TNR: variants seen among roughly 807,000 people sequenced by gnomAD.
The protein encoded by TNR is tenascin R.
In TNR, 45 loss-of-function variants were observed where a neutral mutation model predicts 150.4. The observed-to-expected ratio is 0.30, with a 90% CI of 0.24 to 0.38. The LOEUF (loss-of-function observed/expected upper bound fraction) is 0.38, where lower values mean the gene tolerates loss of function less well. TNR is among the 10% of genes least tolerant of loss of function. TNR has a pLI of 1.00. For missense variants in TNR, 1,544 were observed against 1,759.1 expected (o/e 0.88, Z 2.19); for synonymous variants, 687 against 678.4 (o/e 1.01, Z -0.20).
chr1:175,648,819 G>C (rs1232992839), intron 1 of TNR, among the ~76,000 whole-genome samples: 1 of 152,254 alleles, frequency 6.6e-6, no homozygotes, highest in East Asian at 1.9e-4. Context: ...ATGCAATGCT[G>C]TCTACCCAGA....
At chr1:175,410,915 C>T (rs1235657733) in intron 2 of TNR, among the ~76,000 whole-genome samples, 1 of 152,194 alleles carries the variant, frequency 6.6e-6, no homozygotes, top group Non-Finnish European at 1.5e-5. Flanking sequence ...CACCACGTAA[C>T]CTACCCTATC....
At chr1:175,537,512 A>G (rs922780791) in intron 1 of TNR, among the ~76,000 whole-genome samples, 1 of 152,198 alleles carries the variant, frequency 6.6e-6, no homozygotes, top group African/African-American at 2.4e-5. Context: ...AGTTCCCACC[A>G]AAGGATCTGA....
intron 2 of TNR, among the ~76,000 whole-genome samples, chr1:175,473,150 T>G (rs562592783): frequency 1.3e-5 from 2 of 152,302 alleles, no homozygotes; most frequent in South Asian, 4.1e-4. Flanking sequence ...CTAGTGAGGA[T>G]TGTCTAACTG....
intron 2 of TNR, among the ~76,000 whole-genome samples, chr1:175,522,547 C>T (rs1365199526): frequency 6.6e-6 from 1 of 151,452 alleles, no homozygotes; most frequent in African/African-American, 2.5e-5. Context: ...CTCCAATAAC[C>T]TATGGAAATA....
At chr1:175,392,533 A>C (rs144847681) in intron 6 of TNR, among the ~76,000 whole-genome samples, 1 of 152,300 alleles carries the variant, frequency 6.6e-6, no homozygotes, top group African/African-American at 2.4e-5. Context: ...TTCCTGAAAA[A>C]CATTGGTAGC....
At chr1:175,632,997 C>G (rs1030189421) in intron 1 of TNR, among the ~76,000 whole-genome samples, 3 of 152,158 alleles carry the variant, frequency 2.0e-5, no homozygotes, top group African/African-American at 7.2e-5. Context: ...AAGAAACTTC[C>G]ACCATTCCCC....
chr1:175,729,438 TC>T (rs1049892434), intron 1 of TNR, among the ~76,000 whole-genome samples: 4 of 151,982 alleles, frequency 2.6e-5, no homozygotes, highest in Non-Finnish European at 4.4e-5. Flanking sequence ...TCTCTCTCTG[TC>T]CCCCTTTCAA....
chr1:175,544,785 TC>T (rs1368598710), intron 1 of TNR, among the ~76,000 whole-genome samples: 21 of 152,302 alleles, frequency 1.4e-4, no homozygotes, highest in Admixed American at 1.2e-3. Context: ...TATTATTTTT[TC>T]CCTATCATTG....
chr1:175,712,344 C>T (rs1667040524), intron 1 of TNR, among the ~76,000 whole-genome samples: 1 of 152,040 alleles, frequency 6.6e-6, no homozygotes, highest in African/African-American at 2.4e-5. Flanking sequence ...AGATGAATTG[C>T]TCTGAGGATA....
chr1:175,715,671 G>T (rs1179473382), intron 1 of TNR, among the ~76,000 whole-genome samples: 1 of 152,178 alleles, frequency 6.6e-6, no homozygotes, highest in Non-Finnish European at 1.5e-5. Context: ...TGCTCTCATG[G>T]GGTCCCCTTT....
intron 2 of TNR, among the ~76,000 whole-genome samples, chr1:175,477,119 GATC>G (rs892867831): frequency 1.6e-4 from 25 of 152,064 alleles, no homozygotes; most frequent in African/African-American, 5.8e-4. Flanking sequence ...AACAACCATG[GATC>G]ATTTTTAGTT....
chr1:175,608,777 T>C (rs1217918206), intron 1 of TNR, among the ~76,000 whole-genome samples: 6 of 152,214 alleles, frequency 3.9e-5, no homozygotes, highest in South Asian at 2.1e-4. Flanking sequence ...TTCAAATTTA[T>C]TGGTAATCAG....
Position 175,367,241 on chromosome 1 carries a change from G to T in TNR, c.2020C>A (p.Gln674Lys), listed in dbSNP as rs1651888107. Residue 674 changes from glutamine to lysine, a missense_variant, in exon 10 of 23, where the codon CAA becomes AAA. Around this residue, in one of 2 missense-constraint regions of TNR, gnomAD observed 1,254 missense variants for 1,329.4 expected, o/e 0.94. Transcript: ENST00000367674. ...GCATTCATGGTGGCTGGCACGCTTT[G>T]CTGTGAGTTCATGACGGCAGATATT... Reference protein sequence around the residue: ...VGISAVMNSQQSVPATMNART... With the variant: ...VGISAVMNSQKSVPATMNART... 1.9e-6 allele frequency: 3 copies of T among 1,614,170 alleles called. No homozygotes were observed. Among genetic ancestry groups the T allele is most frequent in the Non-Finnish European group, 2.5e-6 (3 of 1,180,004 alleles).
At position 175,316,757 on chromosome 1, in the gene TNR, C is replaced by T. The variant is rs1034467301; in HGVS notation, c.*6600G>A. 11 of 152,086 alleles carry T rather than the reference C, an allele frequency of 7.2e-5. No homozygotes were observed. The highest frequency in any genetic ancestry group is 3.2e-3 in the Middle Eastern group (1 of 316). 9.4% of individuals were successfully genotyped at this position (152,086 alleles called of 1,614,324 possible). A position where few individuals can be genotyped will look rare whatever the true frequency, so the allele number is the denominator to read the frequency against. Reference sequence around the variant, plus strand: ...TCATTCTGTTGGGGACCCTCTCCCTCGTCTACCAAATTTAAAAAGAAAGAA... The same window carrying T: ...TCATTCTGTTGGGGACCCTCTCCCTTGTCTACCAAATTTAAAAAGAAAGAA... On this transcript the variant is annotated 3_prime_UTR_variant, in exon 23 of 23. Transcript: ENST00000367674.
chr1:175,499,697 A>G (rs1447534437), intron 2 of TNR, among the ~76,000 whole-genome samples: 1 of 152,222 alleles, frequency 6.6e-6, no homozygotes. Flanking sequence ...TGCTCCCCTT[A>G]TAGCCATCAG....
intron 1 of TNR, among the ~76,000 whole-genome samples, chr1:175,658,482 T>C (rs1050600410): frequency 1.3e-5 from 2 of 152,102 alleles, no homozygotes; most frequent in African/African-American, 4.8e-5. Flanking sequence ...GAGGGCAAAG[T>C]AAAACCTCAC....
Position 175,356,342 on chromosome 1 carries a change from G to A in TNR, c.3095C>T (p.Thr1032Ile). 3 of 1,614,030 alleles carry A rather than the reference G, an allele frequency of 1.9e-6. No individual in the cohort carries two copies. The highest frequency in any genetic ancestry group is 2.5e-6 in the Non-Finnish European group (3 of 1,179,938). Residue 1032 changes from threonine to isoleucine, a missense_variant, in exon 16 of 23, where the codon ACC becomes ATC. Thr to Ile is a moderately conservative substitution (Grantham distance 89). Coordinates refer to ENST00000367674, the MANE Select transcript of TNR (RefSeq NM_003285.3). ...YATNGPLTSGTISTNFSTLLD... is the reference protein window; with the variant it reads ...YATNGPLTSGIISTNFSTLLD... ...ACGAGTAGAAAAGTTGGTGCTGATG[G>A]TGCCACTGGTGAGAGGTCCATTGGT...
In TNR at chr1:175,709,444, C is replaced by T. The variant is rs1400488341; in HGVS notation, c.-165+33782G>A. On this transcript the variant is annotated intron_variant, in intron 1 of 22. Transcript: ENST00000367674. The stretch of plus-strand genomic sequence containing the variant: ...TAAGACCAAAGTTCAAATGAGCTCC[C>T]CAAATCCCCCATTTATTAATTAGGT... Among the ~76,000 whole-genome samples the T allele has an allele frequency of 9.9e-5, 15 of 152,228 alleles. No homozygotes were observed. In the South Asian group the frequency reaches 2.9e-3, roughly 30 times the overall value.
chr1:175,442,229 T>G (rs190902258), intron 2 of TNR, among the ~76,000 whole-genome samples: 2 of 152,300 alleles, frequency 1.3e-5, no homozygotes, highest in Admixed American at 6.5e-5. Flanking sequence ...CCCCTTCTCT[T>G]TCAAGCAATT....
Sources: allele counts gnomAD v4.1 joint callset (sites outside exome capture counted in the v4.1 genomes callset), GRCh38; gene constraint gnomAD v4.1.1; regional missense constraint gnomAD v4.1.1; transcripts MANE v1.5; gene names NCBI Gene and HGNC (gene_info 2026-07-23, HGNC 2026-07-21).